The following PSD3 variants were observed in gnomAD, a reference collection of about 807,000 sequenced individuals.
The protein encoded by PSD3 is pleckstrin and Sec7 domain containing 3.
A neutral mutation model predicts 105.5 loss-of-function variants in PSD3; 49 were observed. The observed-to-expected ratio is 0.46, with a 90% CI of 0.37 to 0.59. PSD3 has a LOEUF of 0.59. Among genes scored for constraint, PSD3 ranks in the 20% least tolerant of loss-of-function variants. PSD3 has a pLI of 0.00. For synonymous variants in PSD3, 557 were observed against 457.8 expected (o/e 1.22, Z -2.77); for missense variants, 1,561 against 1,263.8 (o/e 1.24, Z -3.57).
intron 2 of PSD3, among the ~76,000 whole-genome samples, chr8:18,874,685 A>C (rs1378973156): frequency 6.9e-6 from 1 of 144,512 alleles, no homozygotes; most frequent in Non-Finnish European, 1.5e-5. Context: ...CCTGGGTGAC[A>C]GAGCAAGACT....
intron 1 of PSD3, among the ~76,000 whole-genome samples, chr8:18,976,251 C>A (rs371712144): frequency 1.3e-5 from 2 of 152,052 alleles, no homozygotes; most frequent in Non-Finnish European, 2.9e-5. Context: ...AATAAAACCA[C>A]GAAGACAGTT....
chr8:19,078,054 A>G lies in PSD3; in HGVS notation c.324+6152T>C, dbSNP rs1447907337. ...AAAAAAAATTTGTTCTTTTTGAGACACAGTCTTGCTCCGTTGCCCAGGCTG... is the reference window on the plus strand; with the variant it reads ...AAAAAAAATTTGTTCTTTTTGAGACGCAGTCTTGCTCCGTTGCCCAGGCTG... On this transcript the variant is annotated intron_variant, in intron 1 of 1. Transcript: ENST00000521475. 2.0e-5 allele frequency among the ~76,000 whole-genome samples: 3 copies of G among 152,250 alleles called. No individual in the cohort carries two copies. In the East Asian group the frequency reaches 5.8e-4, roughly 29 times the overall value.
At chr8:18,811,664 A>G (rs1264444518) in intron 4 of PSD3, among the ~76,000 whole-genome samples, 1 of 152,162 alleles carries the variant, frequency 6.6e-6, no homozygotes, top group African/African-American at 2.4e-5. Context: ...CCTTGCAAAT[A>G]TGATAAAATA....
intron 2 of PSD3, among the ~76,000 whole-genome samples, chr8:18,873,212 A>C (rs373598671): frequency 2.0e-5 from 3 of 152,154 alleles, no homozygotes; most frequent in African/African-American, 7.2e-5. Context: ...GATCTATTTA[A>C]ACTCAGTCAA....
chr8:18,588,226 T>G (rs1478140355), intron 12 of PSD3, among the ~76,000 whole-genome samples: 2 of 152,224 alleles, frequency 1.3e-5, no homozygotes, highest in Middle Eastern at 3.4e-3. Flanking sequence ...CTACCTACCT[T>G]TTTAGTTTTT....
At chr8:18,949,244 A>AAAATATATATAT (rs1345423514) in intron 1 of PSD3, among the ~76,000 whole-genome samples, 5 of 14,406 alleles carry the variant, frequency 3.5e-4, no homozygotes, top group East Asian at 1.8e-3. Flanking sequence ...AAAAAAAAAA[A>AAAATATATATAT]ATATATATAT....
At chr8:18,641,959 T>C (rs1807677690) in intron 10 of PSD3, among the ~76,000 whole-genome samples, 1 of 152,140 alleles carries the variant, frequency 6.6e-6, no homozygotes, top group Non-Finnish European at 1.5e-5. Context: ...AAAATATGAA[T>C]TGCATTCTAT....
chr8:18,782,842 G>A (rs561828578), intron 8 of PSD3, among the ~76,000 whole-genome samples: 3 of 152,306 alleles, frequency 2.0e-5, no homozygotes, highest in East Asian at 1.9e-4. Flanking sequence ...CAAGTGGCAC[G>A]CAGCTGGGTG....
chr8:18,843,210 A>C (rs1488071323), intron 4 of PSD3, among the ~76,000 whole-genome samples: 3 of 152,020 alleles, frequency 2.0e-5, no homozygotes, highest in African/African-American at 7.3e-5. Context: ...AATACAAAAA[A>C]ATTAGCCAGG....
At chr8:18,661,798 G>A (rs139946360) in intron 9 of PSD3, among the ~76,000 whole-genome samples, 27 of 152,274 alleles carry the variant, frequency 1.8e-4, no homozygotes, top group African/African-American at 5.1e-4. Context: ...ATCCATTTTA[G>A]GGAGAAGTAC....
chr8:18,586,647 A>C (rs561146856), intron 12 of PSD3, among the ~76,000 whole-genome samples: 30 of 152,194 alleles, frequency 2.0e-4, no homozygotes, highest in Non-Finnish European at 3.7e-4. Context: ...GAATGGCTGG[A>C]ATTGCCAGCC....
chr8:18,768,652 C>G (rs1407208028), intron 8 of PSD3, among the ~76,000 whole-genome samples: 1 of 152,170 alleles, frequency 6.6e-6, no homozygotes, highest in Non-Finnish European at 1.5e-5. Flanking sequence ...AATTCAAAGA[C>G]AGATTTGCCT....
chr8:18,830,757 C>A (rs1302221626), intron 4 of PSD3, among the ~76,000 whole-genome samples: 4 of 152,188 alleles, frequency 2.6e-5, no homozygotes, highest in Non-Finnish European at 5.9e-5. Context: ...GCACTGCTCC[C>A]ACTGCAGTGT....
intron 15 of PSD3, among the ~76,000 whole-genome samples, chr8:18,550,247 G>A (rs758230912): frequency 1.9e-4 from 29 of 152,142 alleles, no homozygotes; most frequent in Admixed American, 4.6e-4. Flanking sequence ...CTAAAAATGT[G>A]GCTCAAAGAA....
intron 11 of PSD3, among the ~76,000 whole-genome samples, chr8:18,607,689 AAAAAAAC>A (rs1231709665): frequency 1.6e-5 from 2 of 128,926 alleles, no homozygotes; most frequent in African/African-American, 3.1e-5. Context: ...GCTACAAAAA[AAAAAAAC>A]AAAACAAAAA....
At chr8:18,916,690 T>C (rs980544522) in intron 2 of PSD3, among the ~76,000 whole-genome samples, 2 of 152,026 alleles carry the variant, frequency 1.3e-5, no homozygotes, top group African/African-American at 4.8e-5. Flanking sequence ...ATCAATAATG[T>C]ATCACACACT....
At chr8:18,954,751 A>G (rs1823458342) in intron 1 of PSD3, among the ~76,000 whole-genome samples, 1 of 152,136 alleles carries the variant, frequency 6.6e-6, no homozygotes, top group African/African-American at 2.4e-5. Flanking sequence ...CTGTTTTCGC[A>G]GGCCTGCAGT....
At chr8:18,547,374 T>G (rs1251711479) in intron 15 of PSD3, among the ~76,000 whole-genome samples, 1 of 152,154 alleles carries the variant, frequency 6.6e-6, no homozygotes, top group Non-Finnish European at 1.5e-5. Flanking sequence ...GCGGCTGTGG[T>G]ATACTCTTGT....
chr8:18,935,658 T>C lies in PSD3; in HGVS notation c.130+376A>G, dbSNP rs557725117. Reference sequence around the variant, plus strand: ...CTGCAGTAAGCTAGGATGATGCCACTGCATGCCAGCTTGGATGACAGAGCA... The same window carrying C: ...CTGCAGTAAGCTAGGATGATGCCACCGCATGCCAGCTTGGATGACAGAGCA... On this transcript the variant is annotated intron_variant, in intron 2 of 15. Coordinates refer to ENST00000327040, the MANE Select transcript of PSD3 (RefSeq NM_015310.4). 4.0e-5 allele frequency among the ~76,000 whole-genome samples: 6 copies of C among 150,332 alleles called. No individual in the cohort carries two copies. In the East Asian group the frequency reaches 1.2e-3, roughly 29 times the overall value.
Sources: allele counts gnomAD v4.1 joint callset (sites outside exome capture counted in the v4.1 genomes callset), GRCh38; gene constraint gnomAD v4.1.1; transcripts MANE v1.5; gene names NCBI Gene and HGNC (gene_info 2026-07-23, HGNC 2026-07-21).